Variants in ZNF562 observed in about 807,000 individuals in gnomAD.
The protein encoded by ZNF562 is zinc finger protein 562.
A neutral mutation model predicts 17.5 loss-of-function variants in ZNF562; 13 were observed. The observed-to-expected ratio is 0.74, with a 90% confidence interval of 0.48 to 1.18. ZNF562 has a LOEUF of 1.18. ZNF562 is among the 50% of genes most tolerant of loss of function. The probability of loss-of-function intolerance (pLI) is 0.00; values close to 1 mark genes in which losing one functional copy is unlikely to be tolerated. For missense variants in ZNF562, 481 were observed against 498.5 expected (o/e 0.96, Z 0.33); for synonymous variants, 163 against 165.4 (o/e 0.99, Z 0.11).
intron 4 of ZNF562, 43 bp from the exon 5 acceptor site, chr19:9,656,696 T>G: frequency 6.3e-7 from 1 of 1,579,932 alleles, no homozygotes; most frequent in Non-Finnish European, 8.7e-7. Flanking sequence ...AAATTAGTCA[T>G]TTGTCCTTGT....
chr19:9,673,137 A>G (rs1011513372), intron 1 of ZNF562, among the ~76,000 whole-genome samples: 6 of 151,806 alleles, frequency 4.0e-5, no homozygotes, highest in African/African-American at 1.5e-4. Context: ...CACCATCATG[A>G]CTCACACATC....
chr19:9,660,858 C>G lies in ZNF562; in HGVS notation c.-114G>C. ...CAGGCAATCTCCATTCCCCTTTGTA[C>G]AGGGTTATCTGAGGCCCTGTTCATA... On this transcript the variant is annotated 5_prime_UTR_variant, in exon 2 of 6. Coordinates refer to ENST00000453372, the MANE Select transcript of ZNF562 (RefSeq NM_001130031.2). The G allele has an allele frequency of 9.4e-7, 1 of 1,064,942 alleles. No homozygotes were observed. The highest frequency in any genetic ancestry group is 1.4e-6 in the Non-Finnish European group (1 of 718,592). 66.0% of individuals were successfully genotyped at this position (1,064,942 alleles called of 1,614,324 possible). A position where few individuals can be genotyped will look rare whatever the true frequency, so the allele number is the denominator to read the frequency against.
Position 9,647,978 on chromosome 19 carries a change from C to G in ZNF562, c.*4971G>C, listed in dbSNP as rs1169026862. The G allele has an allele frequency of 1.3e-5, 2 of 152,154 alleles. No homozygotes were observed. The highest frequency in any genetic ancestry group is 2.9e-5 in the Non-Finnish European group (2 of 68,034). 9.4% of individuals were successfully genotyped at this position (152,154 alleles called of 1,614,324 possible). On this transcript the variant is annotated 3_prime_UTR_variant, in exon 6 of 6. Transcript: ENST00000453372. ...CCAGGCTGGTTTGAACTCCTTGGCTCAAGGGATCTTTTTGCCTCAGCCTCC... is the reference window on the plus strand; with the variant it reads ...CCAGGCTGGTTTGAACTCCTTGGCTGAAGGGATCTTTTTGCCTCAGCCTCC...
chr19:9,662,962 C>T (rs1371242077), intron 1 of ZNF562, among the ~76,000 whole-genome samples: 1 of 151,714 alleles, frequency 6.6e-6, no homozygotes, highest in African/African-American at 2.4e-5. Context: ...CTCAGCCTCC[C>T]AAGGTGCTGG....
At chr19:9,669,697 TGTCTGCATGCACGCGCGCGAGCGC>T (rs2044074499) in intron 1 of ZNF562, among the ~76,000 whole-genome samples, 1 of 148,282 alleles carries the variant, frequency 6.7e-6, no homozygotes, top group African/African-American at 2.5e-5. Context: ...TGGCAAGACC[TGTCTGCATGCACGCGCGCGAGCGC>T]GCGCGCGCGC....
intron 5 of ZNF562, among the ~76,000 whole-genome samples, chr19:9,655,741 TTTTTTTTTTTTA>T (rs1241167274): frequency 7.9e-6 from 1 of 127,000 alleles, no homozygotes; most frequent in African/African-American, 3.0e-5. Flanking sequence ...TTTTTTTTTT[TTTTTTTTTTTTA>T]GATGGAGTCT....
At position 9,648,378 on chromosome 19, in the gene ZNF562, A is replaced by T. The variant is rs1018226911; in HGVS notation, c.*4571T>A. The T allele has an allele frequency of 6.6e-6, 1 of 152,120 alleles. No homozygotes were observed. The highest frequency in any genetic ancestry group is 2.4e-5 in the African/African-American group (1 of 41,422). The allele number at this position is 152,120 out of a possible 1,614,324, so 9.4% of individuals were successfully genotyped here. On this transcript the variant is annotated 3_prime_UTR_variant, in exon 6 of 6. Coordinates refer to ENST00000453372, the MANE Select transcript of ZNF562 (RefSeq NM_001130031.2). ...AGTGCAGTGGTGCAATCTTGGCTCA[A>T]TGCAACCTCCACCTCCCAGGTTCAA...
At chr19:9,665,177 G>A (rs565900694) in intron 1 of ZNF562, among the ~76,000 whole-genome samples, 51 of 150,230 alleles carry the variant, frequency 3.4e-4, no homozygotes, top group Admixed American at 1.5e-3. Context: ...AGCCAAGATC[G>A]TGCCACTGCA....
At chr19:9,662,490 A>G (rs560053421) in intron 1 of ZNF562, among the ~76,000 whole-genome samples, 1 of 150,650 alleles carries the variant, frequency 6.6e-6, no homozygotes, top group Non-Finnish European at 1.5e-5. Context: ...TGATCCCGGG[A>G]GGCAGAGGTT....
At position 9,644,308 on chromosome 19, in the gene ZNF562, T is replaced by TG. The variant is rs1399347218; in HGVS notation, c.*8640dup. 1 of 151,962 alleles carries TG rather than the reference T, an allele frequency of 6.6e-6. No homozygotes were observed. The highest frequency in any genetic ancestry group is 1.5e-5 in the Non-Finnish European group (1 of 67,994). The allele number at this position is 151,962 out of a possible 1,614,324, so 9.4% of individuals were successfully genotyped here. On this transcript the variant is annotated 3_prime_UTR_variant, in exon 6 of 6. Coordinates refer to ENST00000453372, the MANE Select transcript of ZNF562 (RefSeq NM_001130031.2). ...CTTGAAAATGTCATGTAAAGATGTC[T>TG]GGCTGGGCATGGTGGCTCATGCTTG...
At chr19:9,662,103 A>G (rs1333423818) in intron 1 of ZNF562, among the ~76,000 whole-genome samples, 1 of 152,044 alleles carries the variant, frequency 6.6e-6, no homozygotes, top group African/African-American at 2.4e-5. Flanking sequence ...CATTCAAATA[A>G]TCCTAGTAAT....
rs550311572 is a variant in ZNF562 at position 9,652,251 on chromosome 19, T to C, written c.*698A>G. On this transcript the variant is annotated 3_prime_UTR_variant, in exon 6 of 6. Transcript: ENST00000453372. ...CAGTCAAGGTTGTCACACTTCTTAT[T>C]TTACAAGAAGGGGACATAGAAATAA... 2.6e-5 allele frequency: 4 copies of C among 152,330 alleles called. No homozygotes were observed. The South Asian group carries it at 8.3e-4, about 32-fold the overall frequency. 9.4% of individuals were successfully genotyped at this position (152,330 alleles called of 1,614,324 possible). A position where few individuals can be genotyped will look rare whatever the true frequency, so the allele number is the denominator to read the frequency against.
chr19:9,660,414 G>C (rs2144998762), intron 2 of ZNF562, among the ~76,000 whole-genome samples: 1 of 152,168 alleles, frequency 6.6e-6, no homozygotes, highest in South Asian at 2.1e-4. Flanking sequence ...ATCACCTGAG[G>C]TCGGGAGTTC....
intron 1 of ZNF562, among the ~76,000 whole-genome samples, chr19:9,671,983 G>C (rs1197084091): frequency 1.3e-5 from 2 of 152,152 alleles, no homozygotes; most frequent in Non-Finnish European, 2.9e-5. Context: ...ACTGTTGTCA[G>C]CCTCTCCTCT....
rs2074817176 is a variant in ZNF562 at position 9,647,588 on chromosome 19, T to G, written c.*5361A>C. 6.6e-6 allele frequency: 1 copy of G among 152,088 alleles called. No homozygotes were observed. Among genetic ancestry groups the G allele is most frequent in the Admixed American group, 6.6e-5 (1 of 15,246 alleles). The allele number at this position is 152,088 out of a possible 1,614,324, so 9.4% of individuals were successfully genotyped here. A position where few individuals can be genotyped will look rare whatever the true frequency, so the allele number is the denominator to read the frequency against. On this transcript the variant is annotated 3_prime_UTR_variant, in exon 6 of 6. Coordinates refer to ENST00000453372, the MANE Select transcript of ZNF562 (RefSeq NM_001130031.2). The stretch of plus-strand genomic sequence containing the variant: ...GCAGTATTGGCCGGGCACAGTGGCT[T>G]GTGCCTGTAATCCCAGTACTTTGGG...
rs1169693080 is a variant in ZNF562, at chr19:9,653,847, TCA to T, written c.381_382del (p.Cys127Ter). ...TTCACTGAAGACCTCTCCACAATTC[TCA>T]CAGAGTTTCCATCCACTGTAGCTTC... On this transcript the variant is annotated stop_gained and frameshift_variant, in exon 6 of 6. Transcript: ENST00000453372. LOFTEE classifies it low-confidence loss of function (END_TRUNC). The T allele has an allele frequency of 2.6e-5, 41 of 1,596,698 alleles. No homozygotes were observed. Among genetic ancestry groups the T allele is most frequent in the Non-Finnish European group, 3.3e-5 (39 of 1,171,936 alleles).
At chr19:9,661,661 G>C (rs751269650) in intron 1 of ZNF562, among the ~76,000 whole-genome samples, 5 of 152,078 alleles carry the variant, frequency 3.3e-5, no homozygotes, top group Non-Finnish European at 7.4e-5. Flanking sequence ...TGGGTGTGGT[G>C]GTGGGCACCT....
At chr19:9,655,713 C>CTTTCTTTCTTTTTTTTTTTTT (rs2043444499) in intron 5 of ZNF562, among the ~76,000 whole-genome samples, 1 of 54,552 alleles carries the variant, frequency 1.8e-5, no homozygotes, top group African/African-American at 6.8e-5. Flanking sequence ...ACTTTCTTTT[C>CTTTCTTTCTTTTTTTTTTTTT]TTTCTTTTTT....
chr19:9,656,871 A>AAAAAATATATATATATATAT (rs376933513), intron 4 of ZNF562, among the ~76,000 whole-genome samples: 36 of 142,442 alleles, frequency 2.5e-4, no homozygotes, highest in African/African-American at 8.5e-4. Context: ...AAAATACAAA[A>AAAAAATATATATATATATAT]ATATATATAT....
Sources: gnomAD v4.1 joint callset for allele counts (sites outside exome capture counted in the v4.1 genomes callset) on GRCh38, gnomAD v4.1.1 for gene constraint, MANE v1.5 for transcripts, NCBI Gene and HGNC (gene_info 2026-07-23, HGNC 2026-07-21) for gene names.